DIAPH3: variants seen among roughly 807,000 people sequenced by gnomAD.
The protein encoded by DIAPH3 is diaphanous related formin 3, also known as protein diaphanous homolog 3.
DIAPH3 carries 117 observed loss-of-function variants against 144.3 expected under a neutral mutation model. The ratio of observed to expected loss-of-function variants is 0.81; its 90% CI spans 0.70 to 0.95. The LOEUF is 0.95. Ranked by LOEUF, DIAPH3 falls within the 40% of genes least tolerant of loss-of-function variation. DIAPH3 has a pLI of 0.00. For missense variants in DIAPH3, 1,421 were observed against 1,412.7 expected (o/e 1.01, Z -0.09); for synonymous variants, 519 against 488.9 (o/e 1.06, Z -0.81).
chr13:59,867,720 G>A (rs1478404196), intron 21 of DIAPH3, among the ~76,000 whole-genome samples: 2 of 152,004 alleles, frequency 1.3e-5, no homozygotes, highest in East Asian at 1.9e-4. Flanking sequence ...TATCTACTGC[G>A]TTGCACTGTT....
intron 2 of DIAPH3, among the ~76,000 whole-genome samples, chr13:60,127,489 A>G (rs1188723854): frequency 1.3e-5 from 2 of 151,786 alleles, no homozygotes; most frequent in Admixed American, 1.3e-4. Flanking sequence ...TGACTCCCAC[A>G]AAAAACAAAA....
intron 17 of DIAPH3, among the ~76,000 whole-genome samples, chr13:59,939,649 C>T (rs1455490546): frequency 6.6e-6 from 1 of 152,068 alleles, no homozygotes; most frequent in Non-Finnish European, 1.5e-5. Flanking sequence ...TTACCCAGGA[C>T]CAGAGACCAG....
At chr13:59,992,395 A>G in intron 10 of DIAPH3, 78 bp downstream of exon 10, 1 of 1,235,064 alleles carries the variant, frequency 8.1e-7, no homozygotes, top group Non-Finnish European at 1.1e-6. Flanking sequence ...TTATTCTTCA[A>G]GGTAATTTAT....
At chr13:59,946,116 A>G (rs982320326) in intron 17 of DIAPH3, among the ~76,000 whole-genome samples, 1 of 152,144 alleles carries the variant, frequency 6.6e-6, no homozygotes, top group Non-Finnish European at 1.5e-5. Context: ...TATGGCTTCC[A>G]TACTTAGCGC....
At chr13:59,941,256 G>C (rs1594068406) in intron 17 of DIAPH3, among the ~76,000 whole-genome samples, 1 of 152,106 alleles carries the variant, frequency 6.6e-6, no homozygotes, top group African/African-American at 2.4e-5. Flanking sequence ...GGAGTGGCTA[G>C]GAAGGATGCA....
rs1240361361 is a variant in DIAPH3 at position 59,985,766 on chromosome 13, G to A, written c.1362-1879C>T. On this transcript the variant is annotated intron_variant, in intron 12 of 27. Coordinates refer to ENST00000400324, the MANE Select transcript of DIAPH3 (RefSeq NM_001042517.2). ...AAATACCTAGGAATCCAACTTACAA[G>A]GGATGTGAAGGACCTCTTCAAGGAG... 1.1e-4 allele frequency among the ~76,000 whole-genome samples: 11 copies of A among 97,482 alleles called. No individual in the cohort carries two copies. The South Asian group carries it at 4.4e-3, about 39-fold the overall frequency. The allele number at this position is 97,482 out of a possible 152,430, so 64.0% of individuals were successfully genotyped here.
At chr13:59,729,272 T>G (rs75582241) in intron 27 of DIAPH3, among the ~76,000 whole-genome samples, 6,649 of 152,272 alleles carry the variant, frequency 0.044, 233 homozygotes, top group South Asian at 0.11. Flanking sequence ...TTATGACATT[T>G]CCCCTTGGCT....
At chr13:59,878,222 T>G (rs1167978997) in intron 21 of DIAPH3, among the ~76,000 whole-genome samples, 1 of 152,074 alleles carries the variant, frequency 6.6e-6, no homozygotes, top group Non-Finnish European at 1.5e-5. Context: ...GCATCGCCCA[T>G]GCTAGGGATC....
chr13:59,708,844 T>C (rs1391664185), intron 27 of DIAPH3, among the ~76,000 whole-genome samples: 2 of 152,168 alleles, frequency 1.3e-5, no homozygotes, highest in Admixed American at 1.3e-4. Flanking sequence ...ATAATAAATA[T>C]ATTTTAAAAA....
chr13:60,151,564 G>T (rs1566828843), intron 1 of DIAPH3, among the ~76,000 whole-genome samples: 1 of 152,146 alleles, frequency 6.6e-6, no homozygotes, highest in Non-Finnish European at 1.5e-5. Flanking sequence ...TCATGAATGG[G>T]TTAATGAACC....
At chr13:60,063,335 C>T (rs1017669467) in intron 4 of DIAPH3, among the ~76,000 whole-genome samples, 2 of 152,212 alleles carry the variant, frequency 1.3e-5, no homozygotes, top group African/African-American at 4.8e-5. Flanking sequence ...GTTTACACCA[C>T]ATCTGCAGTT....
At chr13:59,828,785 A>G (rs538321099) in intron 24 of DIAPH3, among the ~76,000 whole-genome samples, 1 of 152,026 alleles carries the variant, frequency 6.6e-6, no homozygotes, top group East Asian at 1.9e-4. Flanking sequence ...GAAAATTACA[A>G]TGCAAACTTA....
intron 8 of DIAPH3, among the ~76,000 whole-genome samples, chr13:60,009,890 A>C (rs2053130173): frequency 6.6e-6 from 1 of 152,222 alleles, no homozygotes; most frequent in Non-Finnish European, 1.5e-5. Context: ...CTTTTTTAAA[A>C]GGCATTTTAA....
chr13:59,996,550 T>C (rs1159613102), intron 9 of DIAPH3, among the ~76,000 whole-genome samples: 1 of 151,924 alleles, frequency 6.6e-6, no homozygotes, highest in Non-Finnish European at 1.5e-5. Context: ...AAACTAAAAG[T>C]ATAGTACAAG....
chr13:59,984,689 A>G (rs1255954017), intron 12 of DIAPH3, among the ~76,000 whole-genome samples: 4 of 144,830 alleles, frequency 2.8e-5, no homozygotes, highest in Non-Finnish European at 6.1e-5. Flanking sequence ...GAATACTACA[A>G]ACACCTCTAC....
chr13:59,738,135 C>A (rs1462022934), intron 27 of DIAPH3, among the ~76,000 whole-genome samples: 1 of 151,988 alleles, frequency 6.6e-6, no homozygotes, highest in Non-Finnish European at 1.5e-5. Flanking sequence ...CCACTGCACT[C>A]CAGCCTGGGC....
chr13:60,007,801 G>A (rs1024253078), intron 9 of DIAPH3, among the ~76,000 whole-genome samples: 1 of 152,056 alleles, frequency 6.6e-6, no homozygotes, highest in African/African-American at 2.4e-5. Context: ...CTTTTTAGCA[G>A]TATTTTTGGA....
chr13:59,718,049 C>A (rs2035146914), intron 27 of DIAPH3, among the ~76,000 whole-genome samples: 1 of 152,064 alleles, frequency 6.6e-6, no homozygotes, highest in African/African-American at 2.4e-5. Context: ...AGGCACTAGC[C>A]AGGTCCTTTT....
intron 27 of DIAPH3, among the ~76,000 whole-genome samples, chr13:59,678,729 T>C (rs758756279): frequency 1.3e-5 from 2 of 152,214 alleles, no homozygotes; most frequent in Non-Finnish European, 2.9e-5. Context: ...CCACTTTCCC[T>C]ACAGGACCTC....
Sources: gnomAD v4.1 joint callset for allele counts (sites outside exome capture counted in the v4.1 genomes callset) on GRCh38, gnomAD v4.1.1 for gene constraint, MANE v1.5 for transcripts, NCBI Gene and HGNC (gene_info 2026-07-23, HGNC 2026-07-21) for gene names.